The following KCNG1 variants were observed in gnomAD, a reference collection of about 807,000 sequenced individuals.
KCNG1 encodes the protein potassium voltage-gated channel modifier subfamily G member 1, also known as voltage-gated potassium channel regulatory subunit KCNG1.
A neutral mutation model predicts 32.4 loss-of-function variants in KCNG1; 17 were observed. That is an observed-to-expected ratio of 0.52 (90% CI 0.36 to 0.79). The LOEUF is 0.79. Ranked by LOEUF, KCNG1 falls within the 30% of genes least tolerant of loss-of-function variation. The probability of loss-of-function intolerance (pLI) is 0.00; values close to 1 mark genes in which losing one functional copy is unlikely to be tolerated. For synonymous variants in KCNG1, 358 were observed against 339.9 expected (o/e 1.05, Z -0.59); for missense variants, 441 against 735.2 (o/e 0.60, Z 4.63).
intron 1 of KCNG1, among the ~76,000 whole-genome samples, chr20:51,017,951 C>T (rs911157749): frequency 1.3e-5 from 2 of 152,248 alleles, no homozygotes; most frequent in African/African-American, 4.8e-5. Context: ...CAGAGATCCA[C>T]TGACACTCTC....
At chr20:51,006,148 TC>T (rs769720048) in intron 2 of KCNG1, 2 of 152,118 alleles carry the variant, frequency 1.3e-5, no homozygotes, top group African/African-American at 2.4e-5. Context: ...TCACCCTGTC[TC>T]CCCTGTAGTG....
chr20:51,003,994 G>A lies in KCNG1; in HGVS notation c.*45C>T. The A allele has an allele frequency of 1.3e-6, 2 of 1,585,308 alleles. No homozygotes were observed. Among genetic ancestry groups the A allele is most frequent in the Non-Finnish European group, 1.7e-6 (2 of 1,164,430 alleles). On this transcript the variant is annotated 3_prime_UTR_variant, in exon 3 of 3. Coordinates refer to ENST00000371571, the MANE Select transcript of KCNG1 (RefSeq NM_002237.4). Reference sequence around the variant, plus strand: ...CAGGCGTCTGCAGTGGATGGCAATGGCTTCGGGCCACAGATGGCAGGCAGG... The same window carrying A: ...CAGGCGTCTGCAGTGGATGGCAATGACTTCGGGCCACAGATGGCAGGCAGG...
chr20:51,008,245 C>T (rs567580082), intron 2 of KCNG1, among the ~76,000 whole-genome samples: 1 of 152,306 alleles, frequency 6.6e-6, no homozygotes, highest in Admixed American at 6.5e-5. Context: ...TGGATCTCCC[C>T]AGGAGGTGCC....
intron 2 of KCNG1, chr20:51,006,902 C>T (rs1402574625): frequency 2.0e-5 from 3 of 152,346 alleles, no homozygotes; most frequent in African/African-American, 7.2e-5. Context: ...CCTGTTCATA[C>T]CCGCCCTGGA....
rs1988237108 is a variant in KCNG1 at position 51,015,269 on chromosome 20, A to C, written c.-26-4905T>G. 6.6e-6 allele frequency among the ~76,000 whole-genome samples: 1 copy of C among 152,136 alleles called. No individual in the cohort carries two copies. Among genetic ancestry groups the C allele is most frequent in the African/African-American group, 2.4e-5 (1 of 41,430 alleles). On this transcript the variant is annotated intron_variant, in intron 1 of 2. Coordinates refer to ENST00000371571, the MANE Select transcript of KCNG1 (RefSeq NM_002237.4). The surrounding 1 kb of genome is among the most constrained non-coding windows in gnomAD (Gnocchi z 4.4). ...CCTGGGGGAGGGGGAAAAGAGAAGA[A>C]TCAGGATTCCAGGGGTGCCATTTAC...
intron 1 of KCNG1, among the ~76,000 whole-genome samples, chr20:51,022,271 G>C (rs1308182764): frequency 6.6e-6 from 1 of 152,164 alleles, no homozygotes; most frequent in African/African-American, 2.4e-5. Flanking sequence ...TCCGGGCTGA[G>C]CCTCTCTCCC....
At position 51,003,899 on chromosome 20, in the gene KCNG1, G is replaced by T; in HGVS notation, c.*140C>A. ...TTCTTCCCGGGGTGTGGGAGTGAGG[G>T]TGTCCTTCCCCGGGTGCGTGGGAGT... is the stretch of plus-strand genomic sequence containing the variant. On this transcript the variant is annotated 3_prime_UTR_variant, in exon 3 of 3. Coordinates refer to ENST00000371571, the MANE Select transcript of KCNG1 (RefSeq NM_002237.4). The T allele has an allele frequency of 2.3e-6, 2 of 851,582 alleles. No homozygotes were observed. The highest frequency in any genetic ancestry group is 1.7e-5 in the South Asian group (1 of 57,290). The allele number at this position is 851,582 out of a possible 1,614,324, so 52.8% of individuals were successfully genotyped here.
At position 51,004,050 on chromosome 20, in the gene KCNG1, C is replaced by T. The variant is rs1350270266; in HGVS notation, c.1531G>A (p.Asp511Asn). The change falls in exon 3 of 3, where the codon GAC becomes AAC. Residue 511 changes from aspartate (D) to asparagine (N), a missense_variant. Around this residue, in one of 6 missense-constraint regions of KCNG1, gnomAD observed 53 missense variants for 79.1 expected, o/e 0.67. Coordinates refer to ENST00000371571, the MANE Select transcript of KCNG1 (RefSeq NM_002237.4). The surrounding 1 kb of genome is among the most constrained non-coding windows in gnomAD (Gnocchi z 4.3). ...CGTGTCCTCCGCGCTCAGTTATTGTCTCTGGTGTCCGAGGAGGCACTTCCG... is the reference window on the plus strand; with the variant it reads ...CGTGTCCTCCGCGCTCAGTTATTGTTTCTGGTGTCCGAGGAGGCACTTCCG... ...LFGSASSDTR[D>N]NN 2 of 1,613,924 alleles carry T rather than the reference C, an allele frequency of 1.2e-6. No homozygotes were observed. Among genetic ancestry groups the T allele is most frequent in the African/African-American group, 1.3e-5 (1 of 74,938 alleles).
intron 1 of KCNG1, among the ~76,000 whole-genome samples, chr20:51,017,632 C>A (rs1036124854): frequency 1.3e-5 from 2 of 152,170 alleles, no homozygotes; most frequent in African/African-American, 4.8e-5. Flanking sequence ...GGTGGAGATA[C>A]AGATTTCTGG....
intron 2 of KCNG1, chr20:51,007,252 C>G (rs1160124707): frequency 6.6e-6 from 1 of 151,652 alleles, no homozygotes; most frequent in African/African-American, 2.4e-5. Flanking sequence ...GTGGTGCAAT[C>G]TTGGCTCACT....
intron 2 of KCNG1, among the ~76,000 whole-genome samples, chr20:51,009,019 G>A (rs898619540): frequency 6.6e-6 from 1 of 152,166 alleles, no homozygotes; most frequent in Non-Finnish European, 1.5e-5. Context: ...AGGCCCTGGA[G>A]TAAATAAACT....
intron 2 of KCNG1, among the ~76,000 whole-genome samples, chr20:51,007,430 C>T (rs1987872355): frequency 6.6e-6 from 1 of 152,154 alleles, no homozygotes; most frequent in Non-Finnish European, 1.5e-5. Flanking sequence ...AAGTGATCCA[C>T]CCGCCTCAGC....
In KCNG1 at chr20:51,009,754, G is replaced by A; in HGVS notation, c.585C>T (p.Asp195=). The change falls in exon 2 of 3, where the codon GAC becomes GAT. Residue 195 remains aspartate (D), a synonymous_variant. Transcript: ENST00000371571. ...CCTCGCCCTCGGCCGGGCCCTCGCTGTCGCGGCCCTCGCTGTCCAGCGCGT... is the reference window on the plus strand; with the variant it reads ...CCTCGCCCTCGGCCGGGCCCTCGCTATCGCGGCCCTCGCTGTCCAGCGCGT... ...EDDALDSEGR[D]SEGPAEGEGR... is the part of the protein sequence containing the mutation. 1.9e-6 allele frequency: 3 copies of A among 1,609,368 alleles called. No homozygotes were observed. Among genetic ancestry groups the A allele is most frequent in the Non-Finnish European group, 2.5e-6 (3 of 1,179,578 alleles).
chr20:51,014,785 G>C (rs999740664), intron 1 of KCNG1, among the ~76,000 whole-genome samples: 2 of 152,182 alleles, frequency 1.3e-5, no homozygotes, highest in East Asian at 3.9e-4. Context: ...TGACTATTGT[G>C]GGGTGTGGGG....
At chr20:51,022,497 C>A (rs1243983218) in intron 1 of KCNG1, among the ~76,000 whole-genome samples, 1 of 152,182 alleles carries the variant, frequency 6.6e-6, no homozygotes. Flanking sequence ...GACACACACT[C>A]CCCCACCCCA....
Position 51,003,727 on chromosome 20 carries a change from T to C in KCNG1, c.*312A>G. 4.2e-6 allele frequency: 1 copy of C among 236,848 alleles called. No individual in the cohort carries two copies. Among genetic ancestry groups the C allele is most frequent in the South Asian group, 1.4e-4 (1 of 7,126 alleles). 14.7% of individuals were successfully genotyped at this position (236,848 alleles called of 1,614,324 possible). A position where few individuals can be genotyped will look rare whatever the true frequency, so the allele number is the denominator to read the frequency against. On this transcript the variant is annotated 3_prime_UTR_variant, in exon 3 of 3. Transcript: ENST00000371571. ...CCATAAAGCAAGTTTTTGCTGGGCATGTTATTTGCATGGTGAAAAGAACAA... is the reference window on the plus strand; with the variant it reads ...CCATAAAGCAAGTTTTTGCTGGGCACGTTATTTGCATGGTGAAAAGAACAA...
intron 2 of KCNG1, 75 bp downstream of exon 2, chr20:51,009,490 T>C (rs1601095798): frequency 6.9e-7 from 1 of 1,459,628 alleles, no homozygotes; most frequent in Non-Finnish European, 9.1e-7. Context: ...AGAGGAGGCT[T>C]TCTGGAGGAG....
rs1465222191 is a variant in KCNG1 at position 51,015,254 on chromosome 20, G to A, written c.-26-4890C>T. On this transcript the variant is annotated intron_variant, in intron 1 of 2. Transcript: ENST00000371571. The surrounding 1 kb of genome is among the most constrained non-coding windows in gnomAD (Gnocchi z 4.4). The stretch of plus-strand genomic sequence containing the variant: ...GGCTGAGGAATGGGGCCTGGGGGAG[G>A]GGGAAAAGAGAAGAATCAGGATTCC... Among the ~76,000 whole-genome samples, 2 of 152,180 alleles carry A rather than the reference G, an allele frequency of 1.3e-5. No homozygotes were observed. The highest frequency in any genetic ancestry group is 3.9e-4 in the East Asian group (2 of 5,174).
At chr20:51,019,843 A>G (rs894787644) in intron 1 of KCNG1, among the ~76,000 whole-genome samples, 5 of 152,142 alleles carry the variant, frequency 3.3e-5, no homozygotes, top group African/African-American at 7.2e-5. Context: ...GTCAGGCTGC[A>G]TTAATCCCCA....
Sources: allele counts gnomAD v4.1 joint callset (sites outside exome capture counted in the v4.1 genomes callset), GRCh38; gene constraint gnomAD v4.1.1; regional missense constraint gnomAD v4.1.1; non-coding constraint Gnocchi (gnomAD v3.1); transcripts MANE v1.5; gene names NCBI Gene and HGNC (gene_info 2026-07-23, HGNC 2026-07-21).